Variants in RAP1GAP2 observed in about 807,000 individuals in gnomAD.
RAP1GAP2 encodes rap1 GTPase-activating protein 2.
A neutral mutation model predicts 95.0 loss-of-function variants in RAP1GAP2; 27 were observed. The ratio of observed to expected loss-of-function variants is 0.28; its 90% CI spans 0.21 to 0.39. The LOEUF is 0.39. RAP1GAP2 is among the 10% of genes least tolerant of loss of function. The pLI is 1.00. For missense variants in RAP1GAP2, 771 were observed against 970.0 expected, an observed-to-expected ratio of 0.79 and a Z score of 2.72; for synonymous variants, 373 against 380.9, an observed-to-expected ratio of 0.98 and a Z score of 0.24.
chr17:2,815,306 C>T (rs911813802), intron 2 of RAP1GAP2, among the ~76,000 whole-genome samples: 2 of 152,148 alleles, frequency 1.3e-5, no homozygotes, highest in Admixed American at 1.3e-4. Flanking sequence ...CGCAACCTCT[C>T]TGTGCCCCAG....
At chr17:2,836,742 G>A (rs1008596152) in intron 2 of RAP1GAP2, among the ~76,000 whole-genome samples, 2 of 152,128 alleles carry the variant, frequency 1.3e-5, no homozygotes, top group African/African-American at 4.8e-5. Flanking sequence ...CCTATCTCTT[G>A]GCTCTAATTC....
chr17:2,930,117 C>G lies in RAP1GAP2; in HGVS notation c.165+24749C>G, dbSNP rs1214282924. On this transcript the variant is annotated intron_variant, in intron 3 of 24. Transcript: ENST00000254695. ...TCTGGGACTGTAAGAGGCCAGGGCT[C>G]TCTTCGAGATGGATCTGCCTTGCAG... 2.6e-5 allele frequency among the ~76,000 whole-genome samples: 4 copies of G among 152,360 alleles called. No individual in the cohort carries two copies. The South Asian group carries it at 6.2e-4, about 24-fold the overall frequency.
intron 2 of RAP1GAP2, among the ~76,000 whole-genome samples, chr17:2,860,595 T>TC (rs1491234441): frequency 3.3e-4 from 22 of 65,918 alleles, no homozygotes; most frequent in Non-Finnish European, 4.6e-4. Context: ...CTTATTTATC[T>TC]TTTTTTTTTT....
At chr17:2,793,763 T>G (rs178571), upstream of RAP1GAP2, among the ~76,000 whole-genome samples, 2 of 152,198 alleles carry the variant, frequency 1.3e-5, no homozygotes, top group African/African-American at 4.8e-5. Context: ...GGTCAGCTGG[T>G]TCCTGGCACA....
chr17:2,808,454 C>G (rs921457636), intron 2 of RAP1GAP2, among the ~76,000 whole-genome samples: 3 of 152,180 alleles, frequency 2.0e-5, no homozygotes, highest in Non-Finnish European at 4.4e-5. Flanking sequence ...CCTGTTTGGT[C>G]TGTCTGAGAC....
rs181699000 is a variant in RAP1GAP2, at chr17:2,992,854, T to C, written c.914+1457T>C. Among the ~76,000 whole-genome samples, 113 of 152,244 alleles carry C rather than the reference T, an allele frequency of 7.4e-4. 1 individual carries two copies. Among genetic ancestry groups the C allele is most frequent in the East Asian group, 2.9e-3 (15 of 5,176 alleles). On this transcript the variant is annotated intron_variant, in intron 12 of 24. Transcript: ENST00000254695. ...GATAAAACCCCCGCTCCATCACTTA[T>C]TAGCTCTGTGACTTTGGATAAGTGA... is the stretch of plus-strand genomic sequence containing the variant.
chr17:2,965,617 G>A lies in RAP1GAP2; in HGVS notation c.570G>A (p.Gly190=). 6.2e-7 allele frequency: 1 copy of A among 1,611,578 alleles called. No individual in the cohort carries two copies. Among genetic ancestry groups the A allele is most frequent in the South Asian group, 1.1e-5 (1 of 90,472 alleles). Residue 190 remains glycine, a synonymous_variant, in exon 8 of 25, where the codon GGG becomes GGA. Transcript: ENST00000254695. This position sits in a 1 kb window ranked among gnomAD's most constrained non-coding sequence, Gnocchi z 4.7. The part of the protein sequence containing the change: ...ILSVKCEEAE[G]IEYLRVILRS... ...CCGTCAAGTGCGAGGAAGCAGAGGG[G>A]ATCGAGTACCTCCGGGTCATCCTTA...
At chr17:2,772,073 T>TC (rs1169583929), upstream of RAP1GAP2, among the ~76,000 whole-genome samples, 1 of 152,046 alleles carries the variant, frequency 6.6e-6, no homozygotes, top group East Asian at 1.9e-4. Context: ...CACTGCAGCC[T>TC]CCGCCTCCAG....
At chr17:2,998,840 T>C (rs975845815) in intron 14 of RAP1GAP2, among the ~76,000 whole-genome samples, 3 of 152,116 alleles carry the variant, frequency 2.0e-5, no homozygotes, top group African/African-American at 7.2e-5. Context: ...AATTTGGTGA[T>C]GCCATTTGCT....
intron 14 of RAP1GAP2, among the ~76,000 whole-genome samples, chr17:3,000,487 CTCG>C (rs2046118497): frequency 2.3e-5 from 1 of 42,758 alleles, no homozygotes; most frequent in African/African-American, 1.2e-4. Flanking sequence ...TGAAGTGGGG[CTCG>C]TGGAGGTAAC....
intron 2 of RAP1GAP2, among the ~76,000 whole-genome samples, chr17:2,815,195 C>T (rs2069952784): frequency 6.6e-6 from 1 of 152,172 alleles, no homozygotes; most frequent in South Asian, 2.1e-4. Context: ...AGGCAGCTGG[C>T]TTCACAGCTG....
chr17:2,783,527 G>C (rs142462832), intron 1 of RAP1GAP2, among the ~76,000 whole-genome samples: 136 of 152,302 alleles, frequency 8.9e-4, no homozygotes, highest in African/African-American at 3.2e-3. Context: ...CCTATATACT[G>C]TCTCTTACAC....
In RAP1GAP2 at chr17:2,902,949, C is replaced by T. The variant is rs2042073765; in HGVS notation, c.81-2335C>T. 6.6e-6 allele frequency among the ~76,000 whole-genome samples: 1 copy of T among 152,182 alleles called. No individual in the cohort carries two copies. The highest frequency in any genetic ancestry group is 1.5e-5 in the Non-Finnish European group (1 of 68,034). ...GTGCCTGATGGGGAAAAATAGACAG[C>T]ATGACTGTGTGTATGAGCGTCCAGT... On this transcript the variant is annotated intron_variant, in intron 2 of 24. Coordinates refer to ENST00000254695, the MANE Select transcript of RAP1GAP2 (RefSeq NM_015085.5). This position sits in a 1 kb window ranked among gnomAD's most constrained non-coding sequence, Gnocchi z 4.1.
intron 3 of RAP1GAP2, among the ~76,000 whole-genome samples, chr17:2,942,052 T>C (rs2043519796): frequency 6.6e-6 from 1 of 152,032 alleles, no homozygotes. Flanking sequence ...AGAGTTCCTG[T>C]TTTGGCCTCT....
At chr17:2,854,203 T>C (rs1319125565) in intron 2 of RAP1GAP2, 2 of 952,436 alleles carry the variant, frequency 2.1e-6, no homozygotes, top group East Asian at 1.2e-4. Context: ...CCGTGTTGGT[T>C]AGAAAAAAGC....
intron 1 of RAP1GAP2, among the ~76,000 whole-genome samples, chr17:2,778,142 C>T (rs573767627): frequency 6.7e-6 from 1 of 148,352 alleles, no homozygotes; most frequent in African/African-American, 2.5e-5. Flanking sequence ...GCTCTGCCCT[C>T]AGCTCCAAGC....
Position 2,871,329 on chromosome 17 carries a change from A to G in RAP1GAP2, c.81-33955A>G, listed in dbSNP as rs1021502904. 2.0e-5 allele frequency among the ~76,000 whole-genome samples: 3 copies of G among 152,172 alleles called. No homozygotes were observed. The highest frequency in any genetic ancestry group is 7.2e-5 in the African/African-American group (3 of 41,450). On this transcript the variant is annotated intron_variant, in intron 2 of 24. Coordinates refer to ENST00000254695, the MANE Select transcript of RAP1GAP2 (RefSeq NM_015085.5). The surrounding 1 kb of genome is among the most constrained non-coding windows in gnomAD (Gnocchi z 5.0). ...GCTCCTTTCCAACAGCTCTGGTTAG[A>G]TACATTCCAGGGAGGAGTTCTGATT... is the stretch of plus-strand genomic sequence containing the variant.
In RAP1GAP2 at chr17:2,965,638, C is replaced by T; in HGVS notation, c.591C>T (p.Ile197=). ...EAEGIEYLRV[I]LRSKLKTVHE... is the part of the protein sequence containing the mutation. Reference sequence around the variant, plus strand: ...AGGGGATCGAGTACCTCCGGGTCATCCTTAGGTAGGGCTGTTGCGCTGCTT... The same window carrying T: ...AGGGGATCGAGTACCTCCGGGTCATTCTTAGGTAGGGCTGTTGCGCTGCTT... Residue 197 remains isoleucine, a synonymous_variant, in exon 8 of 25, where the codon ATC becomes ATT. Transcript: ENST00000254695. This position sits in a 1 kb window ranked among gnomAD's most constrained non-coding sequence, Gnocchi z 4.7. 6.2e-7 allele frequency: 1 copy of T among 1,605,588 alleles called. No individual in the cohort carries two copies. Among genetic ancestry groups the T allele is most frequent in the Non-Finnish European group, 8.5e-7 (1 of 1,175,696 alleles).
At chr17:2,962,792 G>A (rs369189283) in intron 5 of RAP1GAP2, 78 bp downstream of exon 5, 15 of 1,312,746 alleles carry the variant, frequency 1.1e-5, no homozygotes, top group Non-Finnish European at 1.5e-5. Context: ...AGGGGCTGCC[G>A]GGATGCTGGG....
Sources: gnomAD v4.1 joint callset for allele counts (sites outside exome capture counted in the v4.1 genomes callset) on GRCh38, gnomAD v4.1.1 for gene constraint, Gnocchi (gnomAD v3.1) non-coding constraint, MANE v1.5 for transcripts, NCBI Gene and HGNC (gene_info 2026-07-23, HGNC 2026-07-21) for gene names.